Variants in SLC39A11 observed in about 807,000 individuals in gnomAD.
SLC39A11 encodes solute carrier family 39 member 11, also known as zinc transporter ZIP11.
In SLC39A11, 33 loss-of-function variants were observed where a neutral mutation model predicts 36.1. The ratio of observed to expected loss-of-function variants is 0.91; its 90% CI spans 0.69 to 1.22. The LOEUF (loss-of-function observed/expected upper bound fraction) is 1.22, where lower values mean the gene tolerates loss of function less well. Ranked by LOEUF, SLC39A11 falls within the 50% of genes most tolerant of loss-of-function variation. The pLI is 0.00. For missense variants in SLC39A11, 432 were observed against 430.3 expected (o/e 1.00, Z -0.03); for synonymous variants, 166 against 170.3 (o/e 0.97, Z 0.20).
intron 6 of SLC39A11, among the ~76,000 whole-genome samples, chr17:72,749,474 G>A (rs1160638242): frequency 6.6e-6 from 1 of 152,180 alleles, no homozygotes; most frequent in Non-Finnish European, 1.5e-5. Flanking sequence ...AGTTGTCTGG[G>A]AGGCTTAGAA....
At chr17:73,028,544 G>A (rs902997647) in intron 4 of SLC39A11, among the ~76,000 whole-genome samples, 1 of 152,138 alleles carries the variant, frequency 6.6e-6, no homozygotes, top group African/African-American at 2.4e-5. Flanking sequence ...GACCTTCTAA[G>A]ACAAATTCCC....
chr17:73,072,479 G>C (rs752935780), intron 3 of SLC39A11: 4 of 152,136 alleles, frequency 2.6e-5, no homozygotes, highest in African/African-American at 9.7e-5. Flanking sequence ...TTCCCATCAC[G>C]GCACAGAGAA....
At chr17:72,964,208 G>A (rs1026593122) in intron 4 of SLC39A11, among the ~76,000 whole-genome samples, 4 of 152,220 alleles carry the variant, frequency 2.6e-5, no homozygotes, top group Non-Finnish European at 5.9e-5. Flanking sequence ...AGCAACAAAT[G>A]AAGATAGTTC....
intron 7 of SLC39A11, among the ~76,000 whole-genome samples, chr17:72,700,886 C>A (rs1169007669): frequency 1.3e-5 from 2 of 152,210 alleles, no homozygotes; most frequent in Non-Finnish European, 2.9e-5. Flanking sequence ...TGGGAAACCA[C>A]CCCCATGATT....
At position 72,772,349 on chromosome 17, in the gene SLC39A11, G is replaced by A. The variant is rs1356154290; in HGVS notation, c.602-35630C>T. Among the ~76,000 whole-genome samples, 7 of 152,166 alleles carry A rather than the reference G, an allele frequency of 4.6e-5. No individual in the cohort carries two copies. In the South Asian group the frequency reaches 8.3e-4, roughly 18 times the overall value. On this transcript the variant is annotated intron_variant, in intron 6 of 9. Coordinates refer to ENST00000255559, the MANE Select transcript of SLC39A11 (RefSeq NM_139177.4). ...GTGACTCCAAGTTTAGCACAGTGGCGCACATCTGCACCCTTTATTTATCTC... is the reference window on the plus strand; with the variant it reads ...GTGACTCCAAGTTTAGCACAGTGGCACACATCTGCACCCTTTATTTATCTC...
At chr17:72,693,441 C>T (rs927727733) in intron 7 of SLC39A11, among the ~76,000 whole-genome samples, 2 of 152,222 alleles carry the variant, frequency 1.3e-5, no homozygotes, top group Non-Finnish European at 2.9e-5. Flanking sequence ...GCCTTGATGC[C>T]GGGTAGGGCT....
At chr17:72,975,425 G>C (rs1389954034) in intron 4 of SLC39A11, among the ~76,000 whole-genome samples, 2 of 152,060 alleles carry the variant, frequency 1.3e-5, no homozygotes, top group Non-Finnish European at 2.9e-5. Context: ...GGCAACAAAA[G>C]TGAAAACTTC....
At chr17:73,046,202 C>T (rs1418078859) in intron 3 of SLC39A11, among the ~76,000 whole-genome samples, 6 of 152,272 alleles carry the variant, frequency 3.9e-5, no homozygotes, top group East Asian at 3.9e-4. Context: ...TTGGCTCAAA[C>T]GAGCCATGAG....
chr17:72,896,477 C>T (rs1285943475), intron 5 of SLC39A11, among the ~76,000 whole-genome samples: 1 of 152,016 alleles, frequency 6.6e-6, no homozygotes, highest in African/African-American at 2.4e-5. Flanking sequence ...GCTGGGATTA[C>T]AGGCATGAGT....
At chr17:72,761,321 G>A (rs1715797041) in intron 6 of SLC39A11, among the ~76,000 whole-genome samples, 1 of 152,006 alleles carries the variant, frequency 6.6e-6, no homozygotes, top group African/African-American at 2.4e-5. Context: ...CACCATGTTG[G>A]CAAAGCTGGT....
intron 5 of SLC39A11, among the ~76,000 whole-genome samples, chr17:72,918,064 G>A (rs1029920125): frequency 7.2e-5 from 11 of 152,246 alleles, no homozygotes; most frequent in African/African-American, 2.7e-4. Flanking sequence ...GGGCCATCTG[G>A]TGCTTATTAT....
At chr17:72,861,690 AAAT>A (rs2080029235) in intron 5 of SLC39A11, among the ~76,000 whole-genome samples, 1 of 75,686 alleles carries the variant, frequency 1.3e-5, no homozygotes, top group South Asian at 4.2e-4. Flanking sequence ...TATATATATA[AAAT>A]ATATATATTG....
At chr17:72,914,530 C>T (rs929130949) in intron 5 of SLC39A11, among the ~76,000 whole-genome samples, 5 of 151,962 alleles carry the variant, frequency 3.3e-5, no homozygotes, top group Admixed American at 2.6e-4. Flanking sequence ...CTGCAGATTT[C>T]GGTATCCACA....
In SLC39A11 at chr17:73,088,711, G is replaced by A. The variant is rs1198719948; in HGVS notation, c.54C>T (p.Thr18=). ...VFQALLGTFF[T]WGMTAAGAAL... ...CTGCCCCAGCTGCTGTCATCCCCCA[G>A]GTGAAGAAGGTCCCCAGCAAGGCCT... The change falls in exon 2 of 10, where the codon ACC becomes ACT. Residue 18 remains threonine, a synonymous_variant. Transcript: ENST00000255559. 2.5e-6 allele frequency: 4 copies of A among 1,612,408 alleles called. No homozygotes were observed. The Admixed American group carries it at 5.0e-5, about 20-fold the overall frequency.
rs115278696 is a variant in SLC39A11 at position 72,825,143 on chromosome 17, A to C, written c.601+24491T>G. On this transcript the variant is annotated intron_variant, in intron 6 of 9. Transcript: ENST00000255559. The stretch of plus-strand genomic sequence containing the variant: ...TCATAGGCCTGGAGGCCTAGGAGGG[A>C]AGAATGGTTTTGCAGACCAGACTCA... Among the ~76,000 whole-genome samples the C allele has an allele frequency of 9.7e-3, 1,481 of 151,922 alleles. 36 individuals are homozygous for C. Among genetic ancestry groups the C allele is most frequent in the African/African-American group, 0.03 (1,231 of 41,526 alleles).
chr17:72,773,261 A>C (rs1369543064), intron 6 of SLC39A11, among the ~76,000 whole-genome samples: 1 of 152,114 alleles, frequency 6.6e-6, no homozygotes, highest in Non-Finnish European at 1.5e-5. Flanking sequence ...TCTTCTATAG[A>C]CAGGGGTGAC....
intron 5 of SLC39A11, among the ~76,000 whole-genome samples, chr17:72,899,366 G>A (rs569213191): frequency 2.6e-5 from 4 of 152,158 alleles, no homozygotes; most frequent in South Asian, 2.1e-4. Context: ...TTCCTATCCT[G>A]AAACCAACAA....
intron 4 of SLC39A11, among the ~76,000 whole-genome samples, chr17:73,005,691 G>C (rs987819027): frequency 6.6e-6 from 1 of 152,216 alleles, no homozygotes; most frequent in Admixed American, 6.5e-5. Context: ...GCTCACGCCT[G>C]TAATCCCAAC....
At chr17:72,936,524 C>A (rs1347195448) in intron 5 of SLC39A11, among the ~76,000 whole-genome samples, 1 of 151,704 alleles carries the variant, frequency 6.6e-6, no homozygotes, top group Non-Finnish European at 1.5e-5. Flanking sequence ...TTGGCCGGGC[C>A]TCACTTTCTT....
Sources: allele counts gnomAD v4.1 joint callset (sites outside exome capture counted in the v4.1 genomes callset), GRCh38; gene constraint gnomAD v4.1.1; transcripts MANE v1.5; gene names NCBI Gene and HGNC (gene_info 2026-07-23, HGNC 2026-07-21).